CFAP20DC: variants seen among roughly 807,000 people sequenced by gnomAD.
The protein encoded by CFAP20DC is protein CFAP20DC.
Under a neutral mutation model 101.7 loss-of-function variants are expected in CFAP20DC, and 84 were observed. That is an observed-to-expected ratio of 0.83 (90% confidence interval 0.69 to 0.99). CFAP20DC has a LOEUF of 0.99. Among genes scored for constraint, CFAP20DC ranks in the 50% least tolerant of loss-of-function variants. The pLI, the probability that CFAP20DC is intolerant of heterozygous loss-of-function variation, is 0.00. For missense variants in CFAP20DC, 1,007 were observed against 970.3 expected (o/e 1.04, Z -0.50); for synonymous variants, 359 against 351.2 (o/e 1.02, Z -0.25).
At chr3:59,029,335 T>C (rs2093947732) in intron 4 of CFAP20DC, among the ~76,000 whole-genome samples, 1 of 152,038 alleles carries the variant, frequency 6.6e-6, no homozygotes, top group Non-Finnish European at 1.5e-5. Context: ...GTTACAGTTG[T>C]AATGAAGGAA....
At chr3:58,938,732 G>T (rs548975281) in intron 4 of CFAP20DC, among the ~76,000 whole-genome samples, 3 of 151,084 alleles carry the variant, frequency 2.0e-5, no homozygotes, top group African/African-American at 7.3e-5. Flanking sequence ...TTCTAATCTC[G>T]GTATTGCTCC....
intron 3 of CFAP20DC, among the ~76,000 whole-genome samples, chr3:58,720,755 C>T (rs1559522912): frequency 2.0e-5 from 3 of 152,152 alleles, no homozygotes; most frequent in Non-Finnish European, 4.4e-5. Context: ...AAGTACTCTC[C>T]ATATTACATA....
In CFAP20DC at chr3:58,717,818, G is replaced by A. The variant is rs570421991; in HGVS notation, c.198-190C>T. Among the ~76,000 whole-genome samples, 1 of 152,266 alleles carries A rather than the reference G, an allele frequency of 6.6e-6. No homozygotes were observed. Among genetic ancestry groups the A allele is most frequent in the East Asian group, 1.9e-4 (1 of 5,186 alleles). Reference sequence around the variant, plus strand: ...CATCTCCAGCTGGATGAGACTCTGGGGAGGGCGTATTCTAACTGGGTATAC... The same window carrying A: ...CATCTCCAGCTGGATGAGACTCTGGAGAGGGCGTATTCTAACTGGGTATAC... On this transcript the variant is annotated intron_variant, in intron 3 of 3. Transcript: ENST00000486145. This position sits in a 1 kb window ranked among gnomAD's most constrained non-coding sequence, Gnocchi z 4.1.
In CFAP20DC at chr3:58,824,915, C is replaced by T. The variant is rs150598548; in HGVS notation, c.2175+6771G>A. ...CTGGGCTAAAATCCTCCTGCCTTAG[C>T]CTCCCAATTAGCTGGGAATACAGAC... On this transcript the variant is annotated intron_variant, in intron 14 of 16. Coordinates refer to ENST00000482387, the MANE Select transcript of CFAP20DC (RefSeq NM_001394063.1). 2.6e-5 allele frequency among the ~76,000 whole-genome samples: 4 copies of T among 151,996 alleles called. No homozygotes were observed. The East Asian group carries it at 7.7e-4, about 29-fold the overall frequency.
intron 4 of CFAP20DC, among the ~76,000 whole-genome samples, chr3:58,946,318 T>C (rs572100212): frequency 6.5e-4 from 99 of 151,542 alleles, no homozygotes; most frequent in Non-Finnish European, 1.1e-3. Context: ...GGTTTCACTA[T>C]GTTGGCCAGG....
intron 5 of CFAP20DC, among the ~76,000 whole-genome samples, chr3:58,930,898 G>C (rs1322619535): frequency 6.6e-6 from 1 of 152,146 alleles, no homozygotes; most frequent in Admixed American, 6.5e-5. Flanking sequence ...CATCTCACTA[G>C]GGAGTGTCAG....
chr3:58,832,032 C>A (rs1467110200), intron 13 of CFAP20DC, 143 bp from the exon 14 acceptor site: 2 of 671,402 alleles, frequency 3.0e-6, no homozygotes, highest in Non-Finnish European at 5.2e-6. Flanking sequence ...CGCTACCTGC[C>A]CCATCCATTA....
chr3:58,877,616 C>A (rs2080861287), intron 7 of CFAP20DC, among the ~76,000 whole-genome samples: 1 of 152,156 alleles, frequency 6.6e-6, no homozygotes. Flanking sequence ...AGCCAAGCAC[C>A]CCAATGCCTC....
At chr3:59,019,652 A>C (rs2093762714) in intron 4 of CFAP20DC, among the ~76,000 whole-genome samples, 1 of 152,100 alleles carries the variant, frequency 6.6e-6, no homozygotes, top group Admixed American at 6.6e-5. Context: ...CACCTGACTG[A>C]TATAACTACC....
intron 14 of CFAP20DC, among the ~76,000 whole-genome samples, chr3:58,827,760 G>A (rs1471801213): frequency 1.3e-5 from 2 of 152,082 alleles, no homozygotes; most frequent in Non-Finnish European, 2.9e-5. Context: ...CGTTTACCTG[G>A]GCTTCCCCAC....
intron 7 of CFAP20DC, among the ~76,000 whole-genome samples, chr3:58,870,699 TAACAAGGTGA>T (rs965097189): frequency 1.0e-4 from 15 of 148,142 alleles, no homozygotes; most frequent in Non-Finnish European, 2.2e-4. Context: ...CCATCCTGGC[TAACAAGGTGA>T]AACCCCGTCT....
chr3:59,006,130 A>AGGAT lies in CFAP20DC; in HGVS notation c.278+33423_278+33426dup, dbSNP rs576812880. ...ATATATACACACATCTATACATGGA[A>AGGAT]GGATGGATGGATGGATGGATGGATG... On this transcript the variant is annotated intron_variant, in intron 4 of 16. Coordinates refer to ENST00000482387, the MANE Select transcript of CFAP20DC (RefSeq NM_001394063.1). The surrounding 1 kb of genome is among the most constrained non-coding windows in gnomAD (Gnocchi z 4.3). 8.6e-3 allele frequency among the ~76,000 whole-genome samples: 1,314 copies of AGGAT among 152,126 alleles called. 21 individuals carry two copies. The highest frequency in any genetic ancestry group is 0.029 in the African/African-American group (1,206 of 41,494).
At chr3:59,003,636 G>T (rs1243731759) in intron 4 of CFAP20DC, among the ~76,000 whole-genome samples, 1 of 152,120 alleles carries the variant, frequency 6.6e-6, no homozygotes, top group Non-Finnish European at 1.5e-5. Flanking sequence ...AAAGACATCT[G>T]TTATCTGTTT....
intron 4 of CFAP20DC, among the ~76,000 whole-genome samples, chr3:58,945,516 C>T (rs1173938928): frequency 6.6e-6 from 1 of 152,076 alleles, no homozygotes; most frequent in East Asian, 1.9e-4. Context: ...GGAGGCTAAT[C>T]TTATTTTCCT....
chr3:58,842,709 C>T (rs989118268), intron 13 of CFAP20DC, among the ~76,000 whole-genome samples: 29 of 152,232 alleles, frequency 1.9e-4, no homozygotes, highest in African/African-American at 6.3e-4. Context: ...CCTCTGGGGG[C>T]AGGGCACAGA....
rs2093669618 is a variant in CFAP20DC, at chr3:59,015,486, G to C, written c.278+24071C>G. On this transcript the variant is annotated intron_variant, in intron 4 of 16. Coordinates refer to ENST00000482387, the MANE Select transcript of CFAP20DC (RefSeq NM_001394063.1). This position sits in a 1 kb window ranked among gnomAD's most constrained non-coding sequence, Gnocchi z 5.4. ...GAGGGAAAAGGATGAGGGAGAAAAG[G>C]AAGAGAAAGAAGAAACAAAATGGCA... Among the ~76,000 whole-genome samples the C allele has an allele frequency of 6.6e-6, 1 of 151,670 alleles. No individual in the cohort carries two copies. Among genetic ancestry groups the C allele is most frequent in the African/African-American group, 2.4e-5 (1 of 41,274 alleles).
intron 14 of CFAP20DC, among the ~76,000 whole-genome samples, chr3:58,825,535 G>C (rs1252912979): frequency 1.2e-5 from 1 of 84,532 alleles, no homozygotes; most frequent in Non-Finnish European, 2.4e-5. Flanking sequence ...CTTAAAAAAA[G>C]AAAACACACA....
chr3:58,812,192 AT>A (rs2074701296), intron 14 of CFAP20DC, among the ~76,000 whole-genome samples: 1 of 152,160 alleles, frequency 6.6e-6, no homozygotes, highest in African/African-American at 2.4e-5. Context: ...TGACCCAGCC[AT>A]CCCATTACTG....
intron 4 of CFAP20DC, among the ~76,000 whole-genome samples, chr3:58,962,336 CT>C (rs1022541529): frequency 2.0e-5 from 3 of 152,018 alleles, no homozygotes; most frequent in African/African-American, 7.2e-5. Context: ...AATTTTTTAT[CT>C]CATGTTTATT....
Sources: gnomAD v4.1 joint callset for allele counts (sites outside exome capture counted in the v4.1 genomes callset) on GRCh38, gnomAD v4.1.1 for gene constraint, Gnocchi (gnomAD v3.1) non-coding constraint, MANE v1.5 for transcripts, NCBI Gene and HGNC (gene_info 2026-07-23, HGNC 2026-07-21) for gene names.